The following SCRG1 variants were observed in gnomAD, a reference collection of about 807,000 sequenced individuals.
SCRG1 encodes the protein scrapie-responsive protein 1.
A neutral mutation model predicts 7.7 loss-of-function variants in SCRG1; 3 were observed. The observed-to-expected ratio is 0.39, with a 90% CI of 0.18 to 1.01. The LOEUF (loss-of-function observed/expected upper bound fraction) is 1.01, where lower values mean the gene tolerates loss of function less well. Ranked by LOEUF, SCRG1 falls within the 50% of genes least tolerant of loss-of-function variation. The pLI, the probability that SCRG1 is intolerant of heterozygous loss-of-function variation, is 0.36. For synonymous variants in SCRG1, 46 were observed against 41.2 expected (o/e 1.12, Z -0.44); for missense variants, 110 against 117.2 (o/e 0.94, Z 0.28).
chr4:173,461,531 G>A, the SCRG1 span, among the ~76,000 whole-genome samples: 19 of 152,196 alleles, frequency 1.2e-4, no homozygotes, highest in African/African-American at 4.1e-4. Context: ...TAAAGCAAAA[G>A]CAGTTTAGAT....
the SCRG1 span, among the ~76,000 whole-genome samples, chr4:173,426,320 A>G: frequency 2.6e-5 from 4 of 152,110 alleles, no homozygotes; most frequent in Non-Finnish European, 5.9e-5. Context: ...AAGCAGAGAA[A>G]AAAAACACTG....
chr4:173,443,755 C>A, the SCRG1 span, among the ~76,000 whole-genome samples: 1 of 152,190 alleles, frequency 6.6e-6, no homozygotes, highest in East Asian at 1.9e-4. Context: ...TGCTCTTGAA[C>A]TCCTGAGCTC....
chr4:173,403,976 A>G (rs1410699454), upstream of SCRG1: 2 of 152,680 alleles, frequency 1.3e-5, no homozygotes, highest in Non-Finnish European at 2.9e-5. Flanking sequence ...TAATGATAAT[A>G]GCAATGATAC....
chr4:173,466,661 C>G, the SCRG1 span, among the ~76,000 whole-genome samples: 1 of 152,056 alleles, frequency 6.6e-6, no homozygotes, highest in Non-Finnish European at 1.5e-5. Context: ...TTAACTCAGT[C>G]TTTTTTCTGA....
the SCRG1 span, among the ~76,000 whole-genome samples, chr4:173,489,820 A>T: frequency 6.6e-6 from 1 of 152,162 alleles, no homozygotes; most frequent in East Asian, 1.9e-4. Context: ...AACCACATTT[A>T]TTTGCATGTG....
the SCRG1 span, among the ~76,000 whole-genome samples, chr4:173,506,917 C>G: frequency 6.6e-6 from 1 of 152,166 alleles, no homozygotes; most frequent in African/African-American, 2.4e-5. The surrounding 1 kb of genome is among the most constrained non-coding windows in gnomAD (Gnocchi z 5.3). Context: ...CCCGGCCGGG[C>G]TCGCTGTTTT....
rs11302799 is a variant in SCRG1, at chr4:173,386,301, A to ATTTTTTTT, written c.*2032_*2039dup. On this transcript the variant is annotated 3_prime_UTR_variant, in exon 3 of 3. Coordinates refer to ENST00000296506, the MANE Select transcript of SCRG1 (RefSeq NM_007281.4). ...AGGCGCCTGCCACCACGCCCAGCTAATTTTTTTTTTTTTTTTTTTTGTATT... is the reference window on the plus strand; with the variant it reads ...AGGCGCCTGCCACCACGCCCAGCTAATTTTTTTTTTTTTTTTTTTTTTTTTTTTGTATT... 6.8e-5 allele frequency: 8 copies of ATTTTTTTT among 117,022 alleles called. No individual in the cohort carries two copies. The highest frequency in any genetic ancestry group is 9.1e-5 in the Non-Finnish European group (5 of 54,792). The allele number at this position is 117,022 out of a possible 1,614,324, so 7.2% of individuals were successfully genotyped here.
the SCRG1 span, among the ~76,000 whole-genome samples, chr4:173,485,157 A>T: frequency 1.3e-4 from 3 of 22,224 alleles, no homozygotes; most frequent in Non-Finnish European, 2.4e-4. Context: ...TGTAATATAT[A>T]ATATATTATA....
At chr4:173,485,633 G>A in the SCRG1 span, among the ~76,000 whole-genome samples, 1 of 152,072 alleles carries the variant, frequency 6.6e-6, no homozygotes, top group Non-Finnish European at 1.5e-5. Context: ...ATTTTTATCT[G>A]ATTCTCAAAG....
chr4:173,519,043 G>A, the SCRG1 span, among the ~76,000 whole-genome samples: 1 of 151,878 alleles, frequency 6.6e-6, no homozygotes, highest in African/African-American at 2.4e-5. Flanking sequence ...AGGCGAACAG[G>A]AACCCCCAGG....
the SCRG1 span, among the ~76,000 whole-genome samples, chr4:173,518,137 G>GT: frequency 6.6e-6 from 1 of 152,132 alleles, no homozygotes; most frequent in Non-Finnish European, 1.5e-5. Context: ...CTGTTCTCTC[G>GT]TTTTTTTCGC....
the SCRG1 span, among the ~76,000 whole-genome samples, chr4:173,417,426 C>G: frequency 1.3e-5 from 2 of 152,094 alleles, no homozygotes; most frequent in East Asian, 1.9e-4. Context: ...CCAGTTGCCC[C>G]CTAAGCCTCC....
the SCRG1 span, among the ~76,000 whole-genome samples, chr4:173,501,224 T>C: frequency 6.6e-6 from 1 of 152,138 alleles, no homozygotes; most frequent in Admixed American, 6.5e-5. This position sits in a 1 kb window ranked among gnomAD's most constrained non-coding sequence, Gnocchi z 5.1. Context: ...CGCTTACCGA[T>C]TATCACAAAT....
the SCRG1 span, among the ~76,000 whole-genome samples, chr4:173,510,668 C>G: frequency 6.6e-6 from 1 of 152,122 alleles, no homozygotes; most frequent in Non-Finnish European, 1.5e-5. The surrounding 1 kb of genome is among the most constrained non-coding windows in gnomAD (Gnocchi z 5.7). Context: ...TGTGAATCCA[C>G]TCTAGTTGGG....
the SCRG1 span, among the ~76,000 whole-genome samples, chr4:173,455,014 G>A: frequency 6.6e-6 from 1 of 151,938 alleles, no homozygotes; most frequent in Non-Finnish European, 1.5e-5. Context: ...TTGGCTCCTT[G>A]GTTGTAAGAA....
At chr4:173,444,042 C>T in the SCRG1 span, among the ~76,000 whole-genome samples, 15 of 149,680 alleles carry the variant, frequency 1.0e-4, no homozygotes, top group Non-Finnish European at 1.6e-4. Context: ...GGTGTGATCT[C>T]GGCTCACTGC....
the SCRG1 span, among the ~76,000 whole-genome samples, chr4:173,492,764 A>G: frequency 1.5e-3 from 228 of 152,304 alleles, 2 homozygotes; most frequent in Non-Finnish European, 5.9e-4. Flanking sequence ...CTGAAGAGGG[A>G]GAGCAGCTTC....
chr4:173,410,276 G>A (rs992882326), upstream of SCRG1, among the ~76,000 whole-genome samples: 1 of 152,222 alleles, frequency 6.6e-6, no homozygotes, highest in Non-Finnish European at 1.5e-5. Flanking sequence ...AAGCTGTCAT[G>A]TTTAGGGAAC....
the SCRG1 span, among the ~76,000 whole-genome samples, chr4:173,430,768 C>G: frequency 7.1e-6 from 1 of 141,198 alleles, no homozygotes; most frequent in South Asian, 2.2e-4. Flanking sequence ...GATCATGCCA[C>G]TGTACTCCAG....
Sources: allele counts gnomAD v4.1 joint callset (sites outside exome capture counted in the v4.1 genomes callset), GRCh38; gene constraint gnomAD v4.1.1; non-coding constraint Gnocchi (gnomAD v3.1); transcripts MANE v1.5; gene names NCBI Gene and HGNC (gene_info 2026-07-23, HGNC 2026-07-21).